Variants in MDM1 observed in about 807,000 individuals in gnomAD.
MDM1 encodes stabilizer of axonemal microtubules 6.
A neutral mutation model predicts 89.1 loss-of-function variants in MDM1; 61 were observed. The observed-to-expected ratio is 0.68, with a 90% confidence interval of 0.56 to 0.85. The LOEUF is 0.85. Among genes scored for constraint, MDM1 ranks in the 40% least tolerant of loss-of-function variants. The pLI is 0.00. For synonymous variants in MDM1, 290 were observed against 294.1 expected, an observed-to-expected ratio of 0.99 and a Z score of 0.14; for missense variants, 820 against 846.5, an observed-to-expected ratio of 0.97 and a Z score of 0.39.
intron 3 of MDM1, 139 bp from the exon 4 acceptor site, chr12:68,325,714 A>C: frequency 7.6e-7 from 1 of 1,322,120 alleles, no homozygotes; most frequent in Non-Finnish European, 9.7e-7. Flanking sequence ...TGTTAACTAC[A>C]TGCGCATTGT....
At chr12:68,330,068 A>G (rs1409497894) in intron 2 of MDM1, among the ~76,000 whole-genome samples, 1 of 152,152 alleles carries the variant, frequency 6.6e-6, no homozygotes, top group Non-Finnish European at 1.5e-5. Context: ...CACCTCCTCA[A>G]AAAGAGCCTT....
At chr12:68,326,221 G>C (rs926108131) in intron 3 of MDM1, 2 of 1,108,350 alleles carry the variant, frequency 1.8e-6, no homozygotes, top group Admixed American at 4.6e-5. Context: ...GAGACAGCCA[G>C]AGCTCTCCTT....
chr12:68,326,015 A>G (rs1875920108), intron 3 of MDM1: 1 of 994,208 alleles, frequency 1.0e-6, no homozygotes, highest in Admixed American at 5.8e-5. Flanking sequence ...TTCTTCTCCA[A>G]CACTCTGAAA....
intron 13 of MDM1, among the ~76,000 whole-genome samples, chr12:68,298,585 G>A (rs1323786374): frequency 6.6e-6 from 1 of 152,098 alleles, no homozygotes; most frequent in East Asian, 1.9e-4. Context: ...TTCCCCACAG[G>A]AGGAGCACTC....
At chr12:68,318,964 T>C (rs1874859008) in intron 7 of MDM1, among the ~76,000 whole-genome samples, 1 of 152,208 alleles carries the variant, frequency 6.6e-6, no homozygotes, top group Non-Finnish European at 1.5e-5. Flanking sequence ...ACCTAGTCTT[T>C]ACAATGTCTG....
At chr12:68,325,051 G>A (rs1273338038) in intron 4 of MDM1, 10 of 970,502 alleles carry the variant, frequency 1.0e-5, no homozygotes, top group South Asian at 4.8e-5. Context: ...AAGCAGTTAC[G>A]CCTTTCTTAG....
rs746895510 is a variant in MDM1, at chr12:68,321,666, T to C, written c.802-38A>G. 11 of 1,328,544 alleles carry C rather than the reference T, an allele frequency of 8.3e-6. No individual in the cohort carries two copies. The South Asian group carries it at 1.1e-4, about 14-fold the overall frequency. The allele number at this position is 1,328,544 out of a possible 1,614,324, so 82.3% of individuals were successfully genotyped here. A position where few individuals can be genotyped will look rare whatever the true frequency, so the allele number is the denominator to read the frequency against. ...TCATTTAAGCTTTTTATGCTTAAGA[T>C]GTTACACATTAAAGTGAAAACATGC... On this transcript the variant is annotated intron_variant, in intron 5 of 14. Coordinates refer to ENST00000682720, the MANE Select transcript of MDM1 (RefSeq NM_001354969.2).
At chr12:68,320,958 C>G (rs1163868391) in intron 7 of MDM1, 1 of 159,268 alleles carries the variant, frequency 6.3e-6, no homozygotes, top group African/African-American at 2.4e-5. Flanking sequence ...TGTAATAGTA[C>G]ACATTGACAA....
chr12:68,301,163 A>G (rs981890780), intron 13 of MDM1, among the ~76,000 whole-genome samples: 2 of 152,246 alleles, frequency 1.3e-5, no homozygotes, highest in African/African-American at 2.4e-5. Context: ...AGCAATGCTA[A>G]AAGTTTATAG....
chr12:68,315,990 T>A, intron 9 of MDM1, 88 bp downstream of exon 9: 1 of 1,081,486 alleles, frequency 9.2e-7, no homozygotes, highest in Non-Finnish European at 1.3e-6. Context: ...GAGACACATT[T>A]TGAGTAGTCA....
At chr12:68,298,033 T>C (rs1435231304) in intron 13 of MDM1, among the ~76,000 whole-genome samples, 2 of 152,086 alleles carry the variant, frequency 1.3e-5, no homozygotes, top group Non-Finnish European at 2.9e-5. Context: ...GAAGCCAGAA[T>C]ACCTCCCCTG....
At chr12:68,308,008 C>T (rs990010415) in intron 12 of MDM1, among the ~76,000 whole-genome samples, 14 of 151,514 alleles carry the variant, frequency 9.2e-5, no homozygotes, top group African/African-American at 3.2e-4. Flanking sequence ...GATCCTTACT[C>T]GGCCTCCCTT....
At chr12:68,325,019 T>C in intron 4 of MDM1, 1 of 980,312 alleles carries the variant, frequency 1.0e-6, no homozygotes, top group Non-Finnish European at 1.2e-6. Context: ...TGTCAACATA[T>C]TTTGTATTTA....
Position 68,321,390 on chromosome 12 carries a change from T to A in MDM1, c.962A>T (p.Lys321Ile). The change falls in exon 7 of 15, where the codon AAA becomes ATA. Residue 321 changes from lysine (K) to isoleucine (I), a missense_variant. Physicochemically the swap from Lys to Ile is moderately radical, Grantham distance 102. Coordinates refer to ENST00000682720, the MANE Select transcript of MDM1 (RefSeq NM_001354969.2). The stretch of plus-strand genomic sequence containing the variant: ...CTTTACATGTGTCCAAGCCCCAGCT[T>A]TATATAAATACTGAGCTGGGCTCAG... The part of the protein sequence containing the change: ...KFLSPAQYLY[K>I]AGAWTHVKGN... 2 of 1,613,868 alleles carry A rather than the reference T, an allele frequency of 1.2e-6. No individual in the cohort carries two copies. The highest frequency in any genetic ancestry group is 2.2e-5 in the South Asian group (2 of 91,062).
At chr12:68,329,558 C>T (rs138223403) in intron 2 of MDM1, among the ~76,000 whole-genome samples, 2 of 152,310 alleles carry the variant, frequency 1.3e-5, no homozygotes, top group East Asian at 1.9e-4. Flanking sequence ...CAACAGACTT[C>T]CTAAAATCTC....
intron 12 of MDM1, among the ~76,000 whole-genome samples, chr12:68,308,895 A>G (rs75318226): frequency 0.012 from 1,891 of 152,204 alleles, 46 homozygotes; most frequent in African/African-American, 0.044. Flanking sequence ...CCATTATCCA[A>G]CCCAGCATCA....
At chr12:68,298,746 G>A (rs898174838) in intron 13 of MDM1, among the ~76,000 whole-genome samples, 3 of 152,170 alleles carry the variant, frequency 2.0e-5, no homozygotes, top group Admixed American at 6.5e-5. Context: ...CCACCAGTGG[G>A]TATTGCATTC....
intron 13 of MDM1, among the ~76,000 whole-genome samples, chr12:68,298,355 G>C (rs1436326831): frequency 6.6e-6 from 1 of 152,186 alleles, no homozygotes. Context: ...CCACTGGTGG[G>C]AAGTTTCTTT....
chr12:68,297,875 C>T (rs1871617929), intron 13 of MDM1, among the ~76,000 whole-genome samples: 1 of 152,048 alleles, frequency 6.6e-6, no homozygotes, highest in Non-Finnish European at 1.5e-5. Flanking sequence ...TTAAAAAGAG[C>T]AAAAATCTTT....
Sources: gnomAD v4.1 joint callset for allele counts (sites outside exome capture counted in the v4.1 genomes callset) on GRCh38, gnomAD v4.1.1 for gene constraint, MANE v1.5 for transcripts, NCBI Gene and HGNC (gene_info 2026-07-23, HGNC 2026-07-21) for gene names.